The following PLD1 variants were observed in gnomAD, a reference collection of about 807,000 sequenced individuals.
The protein encoded by PLD1 is choline phosphatase 1.
Under a neutral mutation model 137.1 loss-of-function variants are expected in PLD1, and 112 were observed. The ratio of observed to expected loss-of-function variants is 0.82; its 90% confidence interval spans 0.70 to 0.96. PLD1 has a LOEUF of 0.96. Among genes scored for constraint, PLD1 ranks in the 40% least tolerant of loss-of-function variants. PLD1 has a pLI of 0.00. For synonymous variants in PLD1, 431 were observed against 454.7 expected, an observed-to-expected ratio of 0.95 and a Z score of 0.66; for missense variants, 1,321 against 1,342.0, an observed-to-expected ratio of 0.98 and a Z score of 0.24.
chr3:171,727,673 CAG>C, intron 6 of PLD1, among the ~76,000 whole-genome samples: 1 of 152,152 alleles, frequency 6.6e-6, no homozygotes, highest in East Asian at 1.9e-4. Flanking sequence ...AAAGTAGTTA[CAG>C]AGTTATAGAA....
chr3:171,682,362 G>A (rs2108497721), intron 16 of PLD1, among the ~76,000 whole-genome samples: 1 of 152,224 alleles, frequency 6.6e-6, no homozygotes, highest in South Asian at 2.1e-4. Flanking sequence ...AAAACCCATA[G>A]TGATGTTCAC....
intron 11 of PLD1, among the ~76,000 whole-genome samples, chr3:171,706,120 G>C (rs1560235456): frequency 1.0e-5 from 1 of 95,548 alleles, no homozygotes; most frequent in Non-Finnish European, 2.4e-5. Context: ...CACCGGGTCA[G>C]TCAGTCTATC....
In PLD1 at chr3:171,737,570, G is replaced by C. The variant is rs1338986336; in HGVS notation, c.250C>G (p.Gln84Glu). 6.2e-7 allele frequency: 1 copy of C among 1,612,874 alleles called. No homozygotes were observed. The highest frequency in any genetic ancestry group is 8.5e-7 in the Non-Finnish European group (1 of 1,179,638). ...GTGAAGCGTTCCACTTCCAGAACTT[G>C]TGCTTTTATTGGACAGCCGGAGAGA... is the stretch of plus-strand genomic sequence containing the variant. ...TYLSGCPIKA[Q>E]VLEVERFTST... Residue 84 changes from glutamine to glutamate, a missense_variant, in exon 3 of 27, where the codon CAA becomes GAA. Physicochemically the swap from Gln to Glu is conservative, Grantham distance 29 (BLOSUM62 2). Coordinates refer to ENST00000351298, the MANE Select transcript of PLD1 (RefSeq NM_002662.5).
intron 23 of PLD1, among the ~76,000 whole-genome samples, chr3:171,635,965 C>CTTTTTTTTTTTTTTTTTGTTT (rs1735080567): frequency 2.0e-5 from 1 of 49,252 alleles, no homozygotes; most frequent in African/African-American, 5.7e-5. Flanking sequence ...GGTTCAACTT[C>CTTTTTTTTTTTTTTTTTGTTT]TTTTTTTTTT....
chr3:171,699,561 T>C (rs1716057344), intron 12 of PLD1, among the ~76,000 whole-genome samples, 184 bp downstream of exon 12: 1 of 152,182 alleles, frequency 6.6e-6, no homozygotes, highest in South Asian at 2.1e-4. Context: ...GTCTAAAATA[T>C]TTATGCACTC....
At chr3:171,764,888 AAAGAAAGGAAGGAAGG>A (rs1257680262) in intron 1 of PLD1, among the ~76,000 whole-genome samples, 1,492 of 21,164 alleles carry the variant, frequency 0.07, 180 homozygotes, top group Middle Eastern at 0.19. Flanking sequence ...AGAAAGAAAG[AAAGAAAGGAAGGAAGG>A]AAGGAAGGAA....
chr3:171,724,734 G>A lies in PLD1; in HGVS notation c.720C>T (p.Cys240=), dbSNP rs768069736. 6.2e-7 allele frequency: 1 copy of A among 1,610,738 alleles called. No homozygotes were observed. The highest frequency in any genetic ancestry group is 1.7e-5 in the Admixed American group (1 of 60,002). ...TGTAGCAGGCTCTTCCCTGACCACA[G>A]CAATTCAAGCCTGGTATTCTGTGTC... ...SGGHRIPGLN[C]CGQGRACYRW... The change falls in exon 8 of 27, where the codon TGC becomes TGT. Residue 240 remains cysteine (C), a synonymous_variant. Transcript: ENST00000351298.
chr3:171,661,842 C>T (rs1711532011), intron 20 of PLD1, among the ~76,000 whole-genome samples: 1 of 152,178 alleles, frequency 6.6e-6, no homozygotes, highest in African/African-American at 2.4e-5. Flanking sequence ...TTGTGAGACT[C>T]CCAATAGAAT....
intron 21 of PLD1, among the ~76,000 whole-genome samples, chr3:171,658,793 G>A (rs1233673235): frequency 6.6e-6 from 1 of 152,082 alleles, no homozygotes; most frequent in Non-Finnish European, 1.5e-5. Context: ...TATACAGTAT[G>A]TAAATTCTAT....
intron 21 of PLD1, chr3:171,653,746 AT>A (rs2108411641): frequency 6.6e-6 from 1 of 152,366 alleles, no homozygotes; most frequent in East Asian, 1.9e-4. Context: ...GATGAATATC[AT>A]GGAAATGCTA....
At chr3:171,667,715 G>A (rs1416695516) in intron 19 of PLD1, among the ~76,000 whole-genome samples, 1 of 152,122 alleles carries the variant, frequency 6.6e-6, no homozygotes, top group African/African-American at 2.4e-5. Flanking sequence ...TTAACCTCAG[G>A]CACTGAAGCC....
At position 171,672,493 on chromosome 3, in the gene PLD1, T is replaced by A. The variant is rs1005885820; in HGVS notation, c.2229+2007A>T. On this transcript the variant is annotated intron_variant, in intron 19 of 26. Coordinates refer to ENST00000351298, the MANE Select transcript of PLD1 (RefSeq NM_002662.5). ...ATTTCTTTTCTTTTAGTTTTTATTT[T>A]TATTTTTTTTTTTTGAGTCAGTCTC... is the stretch of plus-strand genomic sequence containing the variant. Among the ~76,000 whole-genome samples the A allele has an allele frequency of 2.5e-3, 297 of 117,328 alleles. 1 individual carries two copies. The highest frequency in any genetic ancestry group is 9.2e-3 in the African/African-American group (258 of 28,094). The allele number at this position is 117,328 out of a possible 152,430, so 77.0% of individuals were successfully genotyped here. A position where few individuals can be genotyped will look rare whatever the true frequency, so the allele number is the denominator to read the frequency against.
At chr3:171,640,490 A>G (rs1275665867) in intron 23 of PLD1, among the ~76,000 whole-genome samples, 2 of 152,138 alleles carry the variant, frequency 1.3e-5, no homozygotes, top group Non-Finnish European at 2.9e-5. Context: ...TCCTTTTGTT[A>G]TTTATAATTT....
intron 1 of PLD1, among the ~76,000 whole-genome samples, chr3:171,748,196 A>C (rs1348309363): frequency 2.0e-5 from 3 of 152,190 alleles, no homozygotes; most frequent in African/African-American, 4.8e-5. Flanking sequence ...ATTTGAAGAG[A>C]AAATATGGGA....
chr3:171,679,970 T>G (rs563134043), intron 16 of PLD1, among the ~76,000 whole-genome samples: 3 of 152,176 alleles, frequency 2.0e-5, no homozygotes, highest in Non-Finnish European at 4.4e-5. Context: ...TGCCTTGTCT[T>G]TTGGCACAGA....
intron 12 of PLD1, among the ~76,000 whole-genome samples, chr3:171,694,241 C>A (rs1578293762): frequency 6.6e-6 from 1 of 151,978 alleles, no homozygotes; most frequent in South Asian, 2.1e-4. Context: ...CTAAAAAAAG[C>A]AGGATCAAGA....
intron 23 of PLD1, among the ~76,000 whole-genome samples, chr3:171,623,376 G>A (rs12638735): frequency 0.25 from 37,532 of 147,732 alleles, 5,125 homozygotes; most frequent in Admixed American, 0.31. Context: ...GTGCAGTGGC[G>A]TGATCTCGAC....
At chr3:171,642,042 G>C (rs991377577) in intron 23 of PLD1, among the ~76,000 whole-genome samples, 2 of 152,136 alleles carry the variant, frequency 1.3e-5, no homozygotes, top group Admixed American at 6.5e-5. Flanking sequence ...AGAGCACAGA[G>C]ATATAGAGCA....
chr3:171,735,110 T>C (rs1719253364), intron 4 of PLD1, 140 bp from the exon 5 acceptor site: 2 of 601,976 alleles, frequency 3.3e-6, no homozygotes, highest in East Asian at 2.7e-5. Context: ...AGTTAGCCGA[T>C]ATTGTGAATT....
Sources: allele counts gnomAD v4.1 joint callset (sites outside exome capture counted in the v4.1 genomes callset), GRCh38; gene constraint gnomAD v4.1.1; transcripts MANE v1.5; gene names NCBI Gene and HGNC (gene_info 2026-07-23, HGNC 2026-07-21).